Variants in NR2C2 observed in about 807,000 individuals in gnomAD.
NR2C2 encodes the protein nuclear receptor subfamily 2 group C member 2, also known as Nuclear hormone receptor TR4.
Under a neutral mutation model 62.9 loss-of-function variants are expected in NR2C2, and 6 were observed. The ratio of observed to expected loss-of-function variants is 0.10; its 90% CI spans 0.05 to 0.19. NR2C2 has a LOEUF of 0.19. NR2C2 is among the 10% of genes least tolerant of loss of function. The probability of loss-of-function intolerance (pLI) is 1.00; values close to 1 mark genes in which losing one functional copy is unlikely to be tolerated. For synonymous variants in NR2C2, 272 were observed against 273.8 expected (o/e 0.99, Z 0.07); for missense variants, 479 against 762.7 (o/e 0.63, Z 4.38).
rs780792156 is a variant in NR2C2 at position 15,039,102 on chromosome 3, G to GC, written c.1511-20_1511-19insC. The stretch of plus-strand genomic sequence containing the variant: ...TTCAAATACAGAGGGAACTGGGGGG[G>GC]GGTACTTTTCTGTTTTCAGATCATC... On this transcript the variant is annotated intron_variant, in intron 12 of 13. Transcript: ENST00000425241. 2 of 1,574,606 alleles carry GC rather than the reference G, an allele frequency of 1.3e-6. No individual in the cohort carries two copies. The highest frequency in any genetic ancestry group is 2.7e-5 in the African/African-American group (2 of 73,668).
intron 1 of NR2C2, among the ~76,000 whole-genome samples, chr3:14,972,911 G>A (rs1574946434): frequency 1.3e-5 from 2 of 152,178 alleles, no homozygotes; most frequent in Admixed American, 1.3e-4. Flanking sequence ...AGCACCAAGA[G>A]GACGGTCTTA....
chr3:14,965,522 CAAAAAAAAAAAAAA>C (rs545143806), intron 1 of NR2C2, among the ~76,000 whole-genome samples: 3 of 79,684 alleles, frequency 3.8e-5, no homozygotes, highest in East Asian at 4.8e-4. Context: ...TTTCCCATGG[CAAAAAAAAAAAAAA>C]AAAAAAAAAA....
At chr3:14,976,386 CAACA>C (rs2125311044) in intron 1 of NR2C2, among the ~76,000 whole-genome samples, 1 of 152,192 alleles carries the variant, frequency 6.6e-6, no homozygotes, top group African/African-American at 2.4e-5. Flanking sequence ...CTAGTGTCTC[CAACA>C]TAGTTGTAAA....
At chr3:15,008,256 C>G (rs535270271) in intron 2 of NR2C2, among the ~76,000 whole-genome samples, 1 of 150,542 alleles carries the variant, frequency 6.6e-6, no homozygotes, top group East Asian at 1.9e-4. Context: ...AGTGCAGTGG[C>G]TCACACCTGT....
chr3:14,973,734 C>CA (rs1212428142), intron 1 of NR2C2, among the ~76,000 whole-genome samples: 8 of 152,130 alleles, frequency 5.3e-5, no homozygotes, highest in Non-Finnish European at 8.8e-5. Context: ...AATCATTTGA[C>CA]ATATATTCAC....
chr3:15,001,316 GGGTTTTTTTTTTTTTTTTTTTT>G (rs960638652), intron 1 of NR2C2, among the ~76,000 whole-genome samples: 3 of 129,980 alleles, frequency 2.3e-5, no homozygotes, highest in East Asian at 2.1e-4. Flanking sequence ...TTTTTGTTTT[GGGTTTTTTTTTTTTTTTTTTTT>G]GGTTTTTTTT....
intron 1 of NR2C2, among the ~76,000 whole-genome samples, chr3:14,972,914 C>T (rs112765360): frequency 1.1e-3 from 168 of 152,202 alleles, no homozygotes; most frequent in Non-Finnish European, 1.5e-3. Flanking sequence ...ACCAAGAGGA[C>T]GGTCTTAAAC....
chr3:14,981,602 CA>C (rs927608192), intron 1 of NR2C2, among the ~76,000 whole-genome samples: 1,369 of 37,668 alleles, frequency 0.036, 3 homozygotes, highest in Non-Finnish European at 0.048. Flanking sequence ...GGCTCTGTCT[CA>C]AAAAAAAAAA....
rs1182059137 is a variant in NR2C2, at chr3:15,039,138, C to T, written c.1527C>T (p.Thr509=). 1.2e-6 allele frequency: 2 copies of T among 1,613,664 alleles called. No individual in the cohort carries two copies. The highest frequency in any genetic ancestry group is 3.3e-5 in the Admixed American group (2 of 59,992). Residue 509 remains threonine, a synonymous_variant, in exon 13 of 14, where the codon ACC becomes ACT. Coordinates refer to ENST00000425241, the MANE Select transcript of NR2C2 (RefSeq NM_001291694.2). ...TGTTTTCAGATCATCCAGGTTTGACCAGCACAAGCCAGATTGAAAAATTCC... is the reference window on the plus strand; with the variant it reads ...TGTTTTCAGATCATCCAGGTTTGACTAGCACAAGCCAGATTGAAAAATTCC... ...VLFSPDHPGL[T]STSQIEKFQE...
intron 1 of NR2C2, among the ~76,000 whole-genome samples, chr3:14,994,752 TAA>T (rs546377971): frequency 1.1e-4 from 14 of 127,600 alleles, no homozygotes; most frequent in Admixed American, 3.2e-4. Context: ...ATTCATTCTT[TAA>T]AAAAAAAAAA....
intron 2 of NR2C2, 89 bp from the exon 3 acceptor site, chr3:15,013,499 GT>G: frequency 9.1e-6 from 10 of 1,101,798 alleles, no homozygotes; most frequent in Non-Finnish European, 1.4e-5. Flanking sequence ...TCAAGGACTG[GT>G]TTTTGGCAGT....
intron 2 of NR2C2, among the ~76,000 whole-genome samples, chr3:15,009,030 G>A (rs2041272906): frequency 2.6e-5 from 4 of 152,114 alleles, no homozygotes. Flanking sequence ...AGACCAGCCT[G>A]ACCAACATGG....
chr3:14,964,599 C>T (rs2039786866), intron 1 of NR2C2, among the ~76,000 whole-genome samples: 1 of 152,028 alleles, frequency 6.6e-6, no homozygotes, highest in African/African-American at 2.4e-5. Context: ...ACTGCAAGCT[C>T]TGCTTCCCAG....
chr3:14,978,845 C>T (rs1274125190), intron 1 of NR2C2, among the ~76,000 whole-genome samples: 1 of 152,142 alleles, frequency 6.6e-6, no homozygotes, highest in African/African-American at 2.4e-5. Flanking sequence ...TATCCACAGA[C>T]TATACCTCCT....
chr3:14,994,439 CTTTTTT>C, intron 1 of NR2C2, among the ~76,000 whole-genome samples: 1 of 89,612 alleles, frequency 1.1e-5, no homozygotes, highest in African/African-American at 4.6e-5. Context: ...TTTATTCATT[CTTTTTT>C]TTTTTTTTTT....
At chr3:14,963,517 G>A (rs2039748221) in intron 1 of NR2C2, among the ~76,000 whole-genome samples, 1 of 152,084 alleles carries the variant, frequency 6.6e-6, no homozygotes, top group Non-Finnish European at 1.5e-5. Flanking sequence ...CTCCCAGGCT[G>A]AAGTGCAGTG....
Position 15,013,656 on chromosome 3 carries a change from C to G in NR2C2, c.140C>G (p.Pro47Arg). 6.2e-7 allele frequency: 1 copy of G among 1,614,192 alleles called. No homozygotes were observed. Among genetic ancestry groups the G allele is most frequent in the South Asian group, 1.1e-5 (1 of 91,084 alleles). ...IVTAVDASGS[P>R]KQQFILTSPD... ...ACCGCAGTGGACGCCTCCGGATCCC[C>G]CAAACAGCAGTTCATCCTGACCAGC... The change falls in exon 3 of 14, where the codon CCC becomes CGC. Residue 47 changes from proline (P) to arginine (R), a missense_variant. Coordinates refer to ENST00000425241, the MANE Select transcript of NR2C2 (RefSeq NM_001291694.2).
intron 4 of NR2C2, among the ~76,000 whole-genome samples, chr3:15,016,580 A>C (rs1575009433): frequency 6.6e-6 from 1 of 152,184 alleles, no homozygotes; most frequent in East Asian, 1.9e-4. Flanking sequence ...TACAAGGTGT[A>C]TAATTTGTAT....
intron 5 of NR2C2, among the ~76,000 whole-genome samples, chr3:15,021,550 C>G (rs2041668175): frequency 1.3e-5 from 2 of 152,228 alleles, no homozygotes; most frequent in South Asian, 2.1e-4. Flanking sequence ...AGGTCACTTC[C>G]CTAGCTAGTG....
Sources: gnomAD v4.1 joint callset for allele counts (sites outside exome capture counted in the v4.1 genomes callset) on GRCh38, gnomAD v4.1.1 for gene constraint, MANE v1.5 for transcripts, NCBI Gene and HGNC (gene_info 2026-07-23, HGNC 2026-07-21) for gene names.